Variants in AJAP1 observed in about 807,000 individuals in gnomAD.
AJAP1 encodes the protein adherens junction-associated protein 1.
AJAP1 carries 5 observed loss-of-function variants against 35.0 expected under a neutral mutation model. The observed-to-expected ratio is 0.14, with a 90% CI of 0.07 to 0.30. The LOEUF (loss-of-function observed/expected upper bound fraction) is 0.30, where lower values mean the gene tolerates loss of function less well. AJAP1 is among the 10% of genes least tolerant of loss of function. AJAP1 has a pLI of 1.00. For synonymous variants in AJAP1, 284 were observed against 249.3 expected (o/e 1.14, Z -1.31); for missense variants, 586 against 571.0 (o/e 1.03, Z -0.27).
intron 1 of AJAP1, among the ~76,000 whole-genome samples, chr1:4,686,487 G>A (rs542794413): frequency 1.8e-4 from 28 of 152,200 alleles, no homozygotes; most frequent in Middle Eastern, 3.4e-3. Flanking sequence ...TCTCCAAAAG[G>A]AACACCCCAT....
chr1:4,744,640 C>T (rs1641147700), intron 2 of AJAP1, among the ~76,000 whole-genome samples: 1 of 151,496 alleles, frequency 6.6e-6, no homozygotes, highest in South Asian at 2.1e-4. Flanking sequence ...CACACACACA[C>T]ACACACACAC....
rs1206150656 is a variant in AJAP1, at chr1:4,664,831, C to G, written c.29+9377C>G. On this transcript the variant is annotated intron_variant, in intron 1 of 5. Transcript: ENST00000378191. Reference sequence around the variant, plus strand: ...AATTTCCCGAATGGTTGCAGAGAGCCATCTTAGGCAAGGGTGAAGCAATCA... The same window carrying G: ...AATTTCCCGAATGGTTGCAGAGAGCGATCTTAGGCAAGGGTGAAGCAATCA... Among the ~76,000 whole-genome samples, 4 of 152,234 alleles carry G rather than the reference C, an allele frequency of 2.6e-5. No individual in the cohort carries two copies. The South Asian group carries it at 8.3e-4, about 32-fold the overall frequency.
At position 4,656,248 on chromosome 1, in the gene AJAP1, C is replaced by T. The variant is rs543675283; in HGVS notation, c.29+794C>T. Reference sequence around the variant, plus strand: ...GACCCTTCTCGGCAAACTTTGCCAGCCCGCCGGGGTTCTCGGGCTTCTCTG... The same window carrying T: ...GACCCTTCTCGGCAAACTTTGCCAGTCCGCCGGGGTTCTCGGGCTTCTCTG... On this transcript the variant is annotated intron_variant, in intron 1 of 5. Coordinates refer to ENST00000378191, the MANE Select transcript of AJAP1 (RefSeq NM_018836.4). This position sits in a 1 kb window ranked among gnomAD's most constrained non-coding sequence, Gnocchi z 5.7. 6.6e-6 allele frequency among the ~76,000 whole-genome samples: 1 copy of T among 152,294 alleles called. No homozygotes were observed. Among genetic ancestry groups the T allele is most frequent in the South Asian group, 2.1e-4 (1 of 4,824 alleles).
chr1:4,665,383 G>A (rs895221514), intron 1 of AJAP1, among the ~76,000 whole-genome samples: 1 of 152,124 alleles, frequency 6.6e-6, no homozygotes, highest in Non-Finnish European at 1.5e-5. Flanking sequence ...TTAAGCCCCG[G>A]TACTGGGCTA....
At chr1:4,696,482 T>C (rs537579353) in intron 1 of AJAP1, among the ~76,000 whole-genome samples, 1 of 152,312 alleles carries the variant, frequency 6.6e-6, no homozygotes, top group South Asian at 2.1e-4. Flanking sequence ...TTACCCAACC[T>C]ACAGTGCTTC....
In AJAP1 at chr1:4,697,407, A is replaced by G. The variant is rs72857969; in HGVS notation, c.30-14493A>G. 9.0e-3 allele frequency among the ~76,000 whole-genome samples: 1,378 copies of G among 152,356 alleles called. 20 individuals are homozygous for G. Among genetic ancestry groups the G allele is most frequent in the African/African-American group, 0.032 (1,312 of 41,584 alleles). On this transcript the variant is annotated intron_variant, in intron 1 of 5. Transcript: ENST00000378191. ...ACAGAGGCCCTGGCCAGCATTTTTCAGTGGTTACTGTAGGTAATGAGTTCC... is the reference window on the plus strand; with the variant it reads ...ACAGAGGCCCTGGCCAGCATTTTTCGGTGGTTACTGTAGGTAATGAGTTCC...
chr1:4,772,319 G>T lies in AJAP1; in HGVS notation c.957G>T (p.Gln319His). 6.2e-7 allele frequency: 1 copy of T among 1,614,196 alleles called. No individual in the cohort carries two copies. Among genetic ancestry groups the T allele is most frequent in the Non-Finnish European group, 8.5e-7 (1 of 1,180,036 alleles). ...GGAACACTCGTCGGAACAGCCACCA[G>T]CGGAAGACCAACCAGCAGGAGGAGA... ...QSGNTRRNSH[Q>H]RKTNQQEESC... Residue 319 changes from glutamine to histidine, a missense_variant, in exon 4 of 6, where the codon CAG becomes CAT. Gln to His is a conservative substitution (Grantham distance 24). Transcript: ENST00000378191.
rs896480825 is a variant in AJAP1 at position 4,744,746 on chromosome 1, G to A, written c.830-25107G>A. Among the ~76,000 whole-genome samples the A allele has an allele frequency of 4.6e-5, 7 of 152,128 alleles. No homozygotes were observed. In the South Asian group the frequency reaches 1.5e-3, roughly 32 times the overall value. On this transcript the variant is annotated intron_variant, in intron 2 of 5. Transcript: ENST00000378191. ...GGCACACATGCCCACATGCAGACACGAAACACAGGCCCACGCTTGCATGCA... is the reference window on the plus strand; with the variant it reads ...GGCACACATGCCCACATGCAGACACAAAACACAGGCCCACGCTTGCATGCA...
Position 4,655,371 on chromosome 1 carries a change from C to G in AJAP1, c.-55C>G. ...GACGGAAGCGAGCGGGCGCGGGCGC[C>G]GCGCAGATGGCCTGGGCGAGCCAGG... On this transcript the variant is annotated 5_prime_UTR_variant, in exon 1 of 6. Coordinates refer to ENST00000378191, the MANE Select transcript of AJAP1 (RefSeq NM_018836.4). The surrounding 1 kb of genome is among the most constrained non-coding windows in gnomAD (Gnocchi z 6.9). 2 of 1,497,960 alleles carry G rather than the reference C, an allele frequency of 1.3e-6. No individual in the cohort carries two copies. Among genetic ancestry groups the G allele is most frequent in the Non-Finnish European group, 1.8e-6 (2 of 1,117,782 alleles). 92.8% of individuals were successfully genotyped at this position (1,497,960 alleles called of 1,614,324 possible). A position where few individuals can be genotyped will look rare whatever the true frequency, so the allele number is the denominator to read the frequency against.
intron 1 of AJAP1, among the ~76,000 whole-genome samples, chr1:4,699,560 G>A (rs1420610455): frequency 6.6e-6 from 1 of 152,130 alleles, no homozygotes; most frequent in South Asian, 2.1e-4. Flanking sequence ...GAGCTATAGC[G>A]CTGTCACCGG....
chr1:4,740,977 C>T (rs1348001142), intron 2 of AJAP1, among the ~76,000 whole-genome samples: 2 of 151,996 alleles, frequency 1.3e-5, no homozygotes, highest in African/African-American at 4.8e-5. Context: ...AGGACACTTC[C>T]TGAATGTTGT....
chr1:4,749,102 T>C (rs190616567), intron 2 of AJAP1, among the ~76,000 whole-genome samples: 1 of 152,316 alleles, frequency 6.6e-6, no homozygotes, highest in African/African-American at 2.4e-5. Context: ...CAGTTCGCAG[T>C]GCCCAGCTCG....
intron 1 of AJAP1, among the ~76,000 whole-genome samples, chr1:4,677,606 A>G (rs115426150): frequency 0.042 from 6,442 of 152,036 alleles, 177 homozygotes; most frequent in South Asian, 0.074. Flanking sequence ...AAAATTTAAC[A>G]TCTGAAACCA....
intron 1 of AJAP1, among the ~76,000 whole-genome samples, chr1:4,703,560 C>G (rs1214397716): frequency 2.0e-5 from 3 of 152,174 alleles, no homozygotes; most frequent in Non-Finnish European, 2.9e-5. Flanking sequence ...ATAACGAGGC[C>G]ATTTTCACAT....
rs116923180 is a variant in AJAP1, at chr1:4,703,199, G to A, written c.30-8701G>A. ...ACAATGACATCAGGCTGGGAATGCC[G>A]CGAAAGTGATTCACGGCTTAATGTG... is the stretch of plus-strand genomic sequence containing the variant. On this transcript the variant is annotated intron_variant, in intron 1 of 5. Transcript: ENST00000378191. Among the ~76,000 whole-genome samples, 523 of 152,236 alleles carry A rather than the reference G, an allele frequency of 3.4e-3. 17 individuals are homozygous for A. The East Asian group carries it at 0.067, about 20-fold the overall frequency.
chr1:4,711,925 C>G lies in AJAP1; in HGVS notation c.55C>G (p.Arg19Gly). 1 of 1,523,898 alleles carries G rather than the reference C, an allele frequency of 6.6e-7. No homozygotes were observed. Among genetic ancestry groups the G allele is most frequent in the South Asian group, 1.3e-5 (1 of 77,568 alleles). 94.4% of individuals were successfully genotyped at this position (1,523,898 alleles called of 1,614,324 possible). A position where few individuals can be genotyped will look rare whatever the true frequency, so the allele number is the denominator to read the frequency against. Residue 19 changes from arginine (R) to glycine (G), a missense_variant, in exon 2 of 6, where the codon CGC becomes GGC. Transcript: ENST00000378191. ...CTCCATGTCCATCCGCTGGCCGGGC[C>G]GCCCCCTCGGAAGCCATGCCTGGAT... Reference protein sequence around the residue: ...LSSMSIRWPGRPLGSHAWILI... With the variant: ...LSSMSIRWPGGPLGSHAWILI...
intron 1 of AJAP1, among the ~76,000 whole-genome samples, chr1:4,706,047 A>AAAGCT (rs1294821492): frequency 6.6e-6 from 1 of 152,210 alleles, no homozygotes; most frequent in African/African-American, 2.4e-5. Flanking sequence ...TCTAAAATAA[A>AAAGCT]AAGCTTTTTT....
intron 1 of AJAP1, among the ~76,000 whole-genome samples, chr1:4,678,121 T>C (rs1389698735): frequency 6.6e-6 from 1 of 152,206 alleles, no homozygotes; most frequent in African/African-American, 2.4e-5. Flanking sequence ...AGGGACTGTG[T>C]TGAATTACCA....
rs989031512 is a variant in AJAP1 at position 4,734,996 on chromosome 1, C to G, written c.829+22297C>G. Reference sequence around the variant, plus strand: ...GTGATGGAGCTCAGCCTGCAGCAGCCGTCTTCACCTCAACTTCCCTGGGAG... The same window carrying G: ...GTGATGGAGCTCAGCCTGCAGCAGCGGTCTTCACCTCAACTTCCCTGGGAG... On this transcript the variant is annotated intron_variant, in intron 2 of 5. Transcript: ENST00000378191. This position sits in a 1 kb window ranked among gnomAD's most constrained non-coding sequence, Gnocchi z 4.3. Among the ~76,000 whole-genome samples, 1 of 152,242 alleles carries G rather than the reference C, an allele frequency of 6.6e-6. No homozygotes were observed. Among genetic ancestry groups the G allele is most frequent in the Non-Finnish European group, 1.5e-5 (1 of 68,038 alleles).
Sources: allele counts gnomAD v4.1 joint callset (sites outside exome capture counted in the v4.1 genomes callset), GRCh38; gene constraint gnomAD v4.1.1; non-coding constraint Gnocchi (gnomAD v3.1); transcripts MANE v1.5; gene names NCBI Gene and HGNC (gene_info 2026-07-23, HGNC 2026-07-21).